The following NCOA2 variants were observed in gnomAD, a reference collection of about 807,000 sequenced individuals.
NCOA2 encodes nuclear receptor coactivator 2.
NCOA2 carries 21 observed loss-of-function variants against 145.1 expected under a neutral mutation model. The ratio of observed to expected loss-of-function variants is 0.14; its 90% confidence interval spans 0.10 to 0.21. The LOEUF (loss-of-function observed/expected upper bound fraction) is 0.21, where lower values mean the gene tolerates loss of function less well. Among genes scored for constraint, NCOA2 ranks in the 10% least tolerant of loss-of-function variants. The pLI, the probability that NCOA2 is intolerant of heterozygous loss-of-function variation, is 1.00. For missense variants in NCOA2, 1,472 were observed against 1,837.6 expected (o/e 0.80, Z 3.64); for synonymous variants, 619 against 637.5 (o/e 0.97, Z 0.44).
chr8:70,213,007 C>A (rs767300380), intron 4 of NCOA2, among the ~76,000 whole-genome samples: 1 of 149,620 alleles, frequency 6.7e-6, no homozygotes, highest in African/African-American at 2.5e-5. Context: ...TCGCTTGAAC[C>A]GAGGAGGCAG....
chr8:70,156,931 A>G lies in NCOA2; in HGVS notation c.1434T>C (p.Asn478=). The change falls in exon 11 of 23, where the codon AAT becomes AAC. Residue 478 remains asparagine, a synonymous_variant. Transcript: ENST00000452400. ...AAAGCATGGAGGTGGGCTGTCCTGGATTCATGCCAGGGCTGCTTTGTGAGG... is the reference window on the plus strand; with the variant it reads ...AAAGCATGGAGGTGGGCTGTCCTGGGTTCATGCCAGGGCTGCTTTGTGAGG... ...NSPSQSSPGM[N]PGQPTSMLSP... is the part of the protein sequence containing the mutation. 1.2e-6 allele frequency: 2 copies of G among 1,614,020 alleles called. No individual in the cohort carries two copies. The highest frequency in any genetic ancestry group is 1.7e-6 in the Non-Finnish European group (2 of 1,179,894).
chr8:70,114,752 C>T (rs535112587), intron 22 of NCOA2, among the ~76,000 whole-genome samples: 1 of 152,308 alleles, frequency 6.6e-6, no homozygotes, highest in Admixed American at 6.5e-5. Context: ...AGAATTCTAG[C>T]CCATCAGGGC....
At chr8:70,242,193 T>C (rs1335933331) in intron 2 of NCOA2, among the ~76,000 whole-genome samples, 1 of 152,156 alleles carries the variant, frequency 6.6e-6, no homozygotes, top group African/African-American at 2.4e-5. Context: ...ATTTGACATC[T>C]AAAATGATGA....
chr8:70,159,244 T>TATATATA, intron 10 of NCOA2, among the ~76,000 whole-genome samples: 871 of 69,188 alleles, frequency 0.013, 28 homozygotes, highest in African/African-American at 0.04. Flanking sequence ...ATATATATAT[T>TATATATA]TTTTTTTTTT....
intron 4 of NCOA2, among the ~76,000 whole-genome samples, chr8:70,193,905 A>C (rs1816969194): frequency 1.3e-5 from 2 of 151,688 alleles, no homozygotes; most frequent in Non-Finnish European, 2.9e-5. Flanking sequence ...AAGGCATCTC[A>C]GTGATGAATG....
chr8:70,379,456 G>C (rs1811985713), intron 1 of NCOA2, among the ~76,000 whole-genome samples: 1 of 152,162 alleles, frequency 6.6e-6, no homozygotes, highest in Non-Finnish European at 1.5e-5. Context: ...GCAGACTTCT[G>C]CCTTTTCCAC....
At chr8:70,342,774 T>TACACACACACAC (rs370685018) in intron 1 of NCOA2, among the ~76,000 whole-genome samples, 2 of 124,090 alleles carry the variant, frequency 1.6e-5, no homozygotes, top group Non-Finnish European at 3.4e-5. Context: ...CTTTTGCAAT[T>TACACACACACAC]ACACACACAC....
intron 1 of NCOA2, among the ~76,000 whole-genome samples, chr8:70,343,201 T>C (rs1285063442): frequency 6.6e-6 from 1 of 152,202 alleles, no homozygotes; most frequent in Non-Finnish European, 1.5e-5. Flanking sequence ...TTGGATCAAA[T>C]ATCCCTTTAA....
At chr8:70,328,300 A>G (rs1806775565) in intron 1 of NCOA2, among the ~76,000 whole-genome samples, 1 of 152,218 alleles carries the variant, frequency 6.6e-6, no homozygotes, top group South Asian at 2.1e-4. Flanking sequence ...TTTCAGTGAA[A>G]GAAACCGATT....
chr8:70,330,427 C>T (rs962479543), intron 1 of NCOA2, among the ~76,000 whole-genome samples: 3 of 151,780 alleles, frequency 2.0e-5, no homozygotes, highest in Admixed American at 6.6e-5. Context: ...AAAGATAAGC[C>T]GGGCATGGTG....
chr8:70,235,761 T>C (rs1015042886), intron 2 of NCOA2, among the ~76,000 whole-genome samples: 3 of 152,158 alleles, frequency 2.0e-5, no homozygotes, highest in South Asian at 2.1e-4. Flanking sequence ...GGAGGATTTC[T>C]TGAGCCCAGG....
intron 2 of NCOA2, among the ~76,000 whole-genome samples, chr8:70,282,204 GTTCA>G (rs1367746181): frequency 2.0e-5 from 3 of 152,048 alleles, no homozygotes; most frequent in African/African-American, 7.2e-5. Context: ...TCAATATGGG[GTTCA>G]TGTTAATCCA....
intron 1 of NCOA2, among the ~76,000 whole-genome samples, chr8:70,403,048 C>G (rs1189384216): frequency 6.7e-6 from 1 of 149,228 alleles, no homozygotes; most frequent in African/African-American, 2.4e-5. Flanking sequence ...TTCCCCGCCC[C>G]GCGCTGCAGC....
chr8:70,329,474 C>T (rs1252251972), intron 1 of NCOA2, among the ~76,000 whole-genome samples: 1 of 152,010 alleles, frequency 6.6e-6, no homozygotes, highest in African/African-American at 2.4e-5. Context: ...CTCCAGGCCT[C>T]AAGTCATCCT....
rs1825333603 is a variant in NCOA2 at position 70,274,656 on chromosome 8, TCAAG to T, written c.-20+22084_-20+22087del. On this transcript the variant is annotated intron_variant, in intron 2 of 22. Transcript: ENST00000452400. The stretch of plus-strand genomic sequence containing the variant: ...ATATTACAAATACAGTCTTTAATGA[TCAAG>T]CAAATATTTATTCTCATATTTAGCA... Among the ~76,000 whole-genome samples the T allele has an allele frequency of 3.9e-5, 6 of 152,350 alleles. No individual in the cohort carries two copies. The South Asian group carries it at 1.0e-3, about 26-fold the overall frequency.
At chr8:70,377,107 A>G (rs577793234) in intron 1 of NCOA2, among the ~76,000 whole-genome samples, 1 of 152,238 alleles carries the variant, frequency 6.6e-6, no homozygotes, top group South Asian at 2.1e-4. Context: ...AACACAGGAA[A>G]ACAAAAGTGC....
the NCOA2 span, among the ~76,000 whole-genome samples, chr8:70,448,548 G>A: frequency 3.2e-4 from 49 of 152,108 alleles, no homozygotes; most frequent in Non-Finnish European, 6.5e-4. Flanking sequence ...GGTAGAAATT[G>A]GCATCACGAC....
At chr8:70,441,059 GA>G in the NCOA2 span, among the ~76,000 whole-genome samples, 3 of 120,832 alleles carry the variant, frequency 2.5e-5, no homozygotes, top group Non-Finnish European at 5.1e-5. Flanking sequence ...AAAAGAAAGA[GA>G]GAAAGAAAGA....
chr8:70,444,797 T>C, the NCOA2 span, among the ~76,000 whole-genome samples: 1 of 152,240 alleles, frequency 6.6e-6, no homozygotes, highest in Non-Finnish European at 1.5e-5. Flanking sequence ...TCTTTGTGTG[T>C]ATAAAACATT....
Sources: gnomAD v4.1 joint callset for allele counts (sites outside exome capture counted in the v4.1 genomes callset) on GRCh38, gnomAD v4.1.1 for gene constraint, MANE v1.5 for transcripts, NCBI Gene and HGNC (gene_info 2026-07-23, HGNC 2026-07-21) for gene names.